The following PLD1 variants were observed in gnomAD, a reference collection of about 807,000 sequenced individuals.
PLD1 encodes the protein choline phosphatase 1.
Under a neutral mutation model 137.1 loss-of-function variants are expected in PLD1, and 112 were observed. The ratio of observed to expected loss-of-function variants is 0.82; its 90% CI spans 0.70 to 0.96. The LOEUF (loss-of-function observed/expected upper bound fraction) is 0.96, where lower values mean the gene tolerates loss of function less well. Among genes scored for constraint, PLD1 ranks in the 40% least tolerant of loss-of-function variants. The pLI is 0.00. For synonymous variants in PLD1, 431 were observed against 454.7 expected, an observed-to-expected ratio of 0.95 and a Z score of 0.66; for missense variants, 1,321 against 1,342.0, an observed-to-expected ratio of 0.98 and a Z score of 0.24.
At chr3:171,765,241 G>A (rs538439058) in intron 1 of PLD1, 70 of 152,262 alleles carry the variant, frequency 4.6e-4, no homozygotes, top group Admixed American at 3.9e-3. Flanking sequence ...GTTAAAAAAC[G>A]ATTTCCAGAG....
In PLD1 at chr3:171,620,427, T is replaced by C. The variant is rs1474905345; in HGVS notation, c.2687A>G (p.His896Arg). The C allele has an allele frequency of 1.9e-6, 3 of 1,598,278 alleles. No individual in the cohort carries two copies. The South Asian group carries it at 3.4e-5, about 18-fold the overall frequency. Reference sequence around the variant, plus strand: ...ATCATCAGCAATTAACAACTTGCTGTGGACATAGATAAGCTCAGTTACTAG... The same window carrying C: ...ATCATCAGCAATTAACAACTTGCTGCGGACATAGATAAGCTCAGTTACTAG... ...GNLVTELIYV[H>R]SKLLIADDNT... The change falls in exon 24 of 27, where the codon CAC becomes CGC. Residue 896 changes from histidine (H) to arginine (R), a missense_variant. By Grantham distance (29) the His-to-Arg change is conservative (BLOSUM62 0). Transcript: ENST00000351298.
At chr3:171,639,613 A>ATATATAATATATATTC (rs1735517070) in intron 23 of PLD1, among the ~76,000 whole-genome samples, 1 of 70,832 alleles carries the variant, frequency 1.4e-5, no homozygotes, top group Non-Finnish European at 2.3e-5. Flanking sequence ...AATATATATT[A>ATATATAATATATATTC]TATATAATAT....
At chr3:171,659,441 C>T (rs779027371) in intron 20 of PLD1, 140 bp from the exon 21 acceptor site, 23 of 575,294 alleles carry the variant, frequency 4.0e-5, no homozygotes, top group African/African-American at 2.8e-4. Context: ...AGAAAGTCAA[C>T]GACACAGAAA....
intron 1 of PLD1, chr3:171,790,010 C>T (rs1723154768): frequency 6.6e-6 from 1 of 152,246 alleles, no homozygotes; most frequent in Non-Finnish European, 1.5e-5. Flanking sequence ...CATGCATGTA[C>T]ACACATGCCT....
chr3:171,779,084 G>T (rs1425306856), intron 1 of PLD1, among the ~76,000 whole-genome samples: 1 of 152,164 alleles, frequency 6.6e-6, no homozygotes, highest in Non-Finnish European at 1.5e-5. Flanking sequence ...AGCTACTCAG[G>T]AGGCTGAGGC....
At chr3:171,697,512 G>T (rs1244940288) in intron 12 of PLD1, among the ~76,000 whole-genome samples, 1 of 151,842 alleles carries the variant, frequency 6.6e-6, no homozygotes, top group Non-Finnish European at 1.5e-5. Context: ...CTGCCCCACT[G>T]TCTCCCATAA....
intron 1 of PLD1, among the ~76,000 whole-genome samples, chr3:171,750,618 T>C (rs1445783469): frequency 6.6e-6 from 1 of 152,066 alleles, no homozygotes; most frequent in Non-Finnish European, 1.5e-5. Context: ...GCTGCTGTCA[T>C]GTAAAGAAAA....
chr3:171,611,750 A>G lies in PLD1; in HGVS notation c.2882+529T>C, dbSNP rs529266013. ...AATTAATTTGATTTTAAAAACTTAAATGGAAGCTGGAGGGTTTGACCTGGT... is the reference window on the plus strand; with the variant it reads ...AATTAATTTGATTTTAAAAACTTAAGTGGAAGCTGGAGGGTTTGACCTGGT... On this transcript the variant is annotated intron_variant, in intron 25 of 26. Transcript: ENST00000351298. 45 of 423,424 alleles carry G rather than the reference A, an allele frequency of 1.1e-4. 2 individuals carry two copies. Among genetic ancestry groups the G allele is most frequent in the South Asian group, 7.4e-4 (43 of 57,802 alleles). The allele number at this position is 423,424 out of a possible 1,614,324, so 26.2% of individuals were successfully genotyped here.
intron 24 of PLD1, among the ~76,000 whole-genome samples, chr3:171,613,641 A>C (rs184962863): frequency 6.6e-6 from 1 of 152,100 alleles, no homozygotes; most frequent in African/African-American, 2.4e-5. Context: ...TCTATTTTTT[A>C]AAATTATTAA....
chr3:171,655,371 A>G (rs890847318), intron 21 of PLD1, among the ~76,000 whole-genome samples: 1 of 151,810 alleles, frequency 6.6e-6, no homozygotes, highest in Admixed American at 6.6e-5. Flanking sequence ...TTATTTATTT[A>G]TTTTTTTAGA....
chr3:171,607,903 T>C (rs1490013662), intron 25 of PLD1, among the ~76,000 whole-genome samples: 3 of 152,204 alleles, frequency 2.0e-5, no homozygotes, highest in Admixed American at 6.5e-5. Flanking sequence ...AATAAGTCTC[T>C]CTATTTCTAT....
rs1215580943 is a variant in PLD1, at chr3:171,686,745, G to A, written c.1807C>T (p.His603Tyr). The change falls in exon 16 of 27, where the codon CAC becomes TAC. Residue 603 changes from histidine (H) to tyrosine (Y), a missense_variant. Coordinates refer to ENST00000351298, the MANE Select transcript of PLD1 (RefSeq NM_002662.5). The stretch of plus-strand genomic sequence containing the variant: ...CTGGACGGGTGAAAGAGTTTGAAGT[G>A]GGGTTTTAAACCATGGATTAAATTG... ...HHNLIHGLKP[H>Y]FKLFHPSSES... 6.2e-7 allele frequency: 1 copy of A among 1,609,116 alleles called. No homozygotes were observed.
At chr3:171,747,685 C>T (rs1720340728) in intron 1 of PLD1, among the ~76,000 whole-genome samples, 1 of 152,156 alleles carries the variant, frequency 6.6e-6, no homozygotes, top group Admixed American at 6.5e-5. Context: ...AGCAGACTTG[C>T]ATCATGTTTA....
intron 1 of PLD1, among the ~76,000 whole-genome samples, chr3:171,778,269 A>G (rs1185289690): frequency 6.6e-6 from 1 of 152,202 alleles, no homozygotes; most frequent in African/African-American, 2.4e-5. Flanking sequence ...GGCATTCAAC[A>G]CGTACTTAGT....
At chr3:171,625,846 A>C (rs1734056601) in intron 23 of PLD1, among the ~76,000 whole-genome samples, 1 of 152,222 alleles carries the variant, frequency 6.6e-6, no homozygotes, top group Admixed American at 6.5e-5. Flanking sequence ...CCAAAAACCC[A>C]TCTGTACATC....
intron 16 of PLD1, among the ~76,000 whole-genome samples, chr3:171,679,301 TG>T (rs1424258719): frequency 7.2e-5 from 11 of 152,198 alleles, no homozygotes; most frequent in Admixed American, 1.3e-4. Context: ...AGAAGAAAAA[TG>T]ATTTAAAATG....
At chr3:171,711,817 T>TAAAAAAAAAAAAAAAA (rs36106956) in intron 9 of PLD1, among the ~76,000 whole-genome samples, 1 of 99,204 alleles carries the variant, frequency 1.0e-5, no homozygotes, top group African/African-American at 4.0e-5. Context: ...TTATAAATGC[T>TAAAAAAAAAAAAAAAA]AAAAAAAAAA....
intron 1 of PLD1, among the ~76,000 whole-genome samples, chr3:171,744,658 T>A (rs973506748): frequency 6.6e-6 from 1 of 152,240 alleles, no homozygotes; most frequent in African/African-American, 2.4e-5. Context: ...GTTCTCTTTT[T>A]TTCCCCTAGC....
intron 1 of PLD1, among the ~76,000 whole-genome samples, chr3:171,799,699 G>A (rs1723570643): frequency 6.6e-6 from 1 of 152,276 alleles, no homozygotes; most frequent in Non-Finnish European, 1.5e-5. Context: ...ACTTCAGTGA[G>A]GTGATCAAAG....
Sources: gnomAD v4.1 joint callset for allele counts (sites outside exome capture counted in the v4.1 genomes callset) on GRCh38, gnomAD v4.1.1 for gene constraint, MANE v1.5 for transcripts, NCBI Gene and HGNC (gene_info 2026-07-23, HGNC 2026-07-21) for gene names.